Variants in UMAD1 observed in about 807,000 individuals in gnomAD.
UMAD1 encodes UBAP1-MVB12-associated (UMA) domain containing 1.
In UMAD1, 8 loss-of-function variants were observed where a neutral mutation model predicts 6.1. The observed-to-expected ratio is 1.30, with a 90% CI of 0.76 to 2.35. The LOEUF (loss-of-function observed/expected upper bound fraction) is 2.35. Among genes scored for constraint, UMAD1 ranks in the 30% most tolerant of loss-of-function variants. UMAD1 has a pLI of 0.00. For synonymous variants in UMAD1, 56 were observed against 31.4 expected (o/e 1.78, Z -2.61); for missense variants, 130 against 78.4 (o/e 1.66, Z -2.49).
rs1460421573 is a variant in UMAD1, at chr7:7,673,685, G to A, written c.82+232G>A. Among the ~76,000 whole-genome samples, 4 of 147,436 alleles carry A rather than the reference G, an allele frequency of 2.7e-5. No homozygotes were observed. In the South Asian group the frequency reaches 6.5e-4, roughly 24 times the overall value. ...TTTGGCTGTGTTCTCCAAGTTAAAT[G>A]TGTAAAATCACTTCTTTTTCCCCCC... On this transcript the variant is annotated intron_variant, in intron 2 of 3. Transcript: ENST00000682710.
At chr7:7,725,068 G>A (rs1197715242) in intron 2 of UMAD1, among the ~76,000 whole-genome samples, 4 of 152,192 alleles carry the variant, frequency 2.6e-5, no homozygotes, top group Non-Finnish European at 5.9e-5. Context: ...TAAAATTCAG[G>A]AACCTTCCAC....
chr7:7,701,731 C>T (rs1038127978), intron 2 of UMAD1, among the ~76,000 whole-genome samples: 1 of 152,128 alleles, frequency 6.6e-6, no homozygotes, highest in African/African-American at 2.4e-5. Context: ...ATCTGTTTAT[C>T]AGTTCCCCTT....
chr7:7,761,224 A>G (rs147387375), intron 2 of UMAD1, among the ~76,000 whole-genome samples: 103 of 152,028 alleles, frequency 6.8e-4, no homozygotes, highest in African/African-American at 2.4e-3. Flanking sequence ...AAATTAGCCA[A>G]TATGGTGGTA....
chr7:7,690,695 C>A (rs1780153348), intron 2 of UMAD1, among the ~76,000 whole-genome samples: 1 of 151,850 alleles, frequency 6.6e-6, no homozygotes, highest in South Asian at 2.1e-4. Flanking sequence ...TTTGTTTTTG[C>A]TAAGGAGAGA....
At chr7:7,859,005 C>T (rs1784067943) in intron 3 of UMAD1, among the ~76,000 whole-genome samples, 1 of 152,062 alleles carries the variant, frequency 6.6e-6, no homozygotes, top group Non-Finnish European at 1.5e-5. Flanking sequence ...TGAAAATACC[C>T]CCCAGCAAAC....
chr7:7,684,875 A>T (rs1161719849), intron 2 of UMAD1, among the ~76,000 whole-genome samples: 1 of 152,156 alleles, frequency 6.6e-6, no homozygotes, highest in African/African-American at 2.4e-5. Flanking sequence ...CTATGGTACT[A>T]TTTCCTTGAA....
intron 2 of UMAD1, among the ~76,000 whole-genome samples, chr7:7,759,459 C>T (rs561074747): frequency 6.6e-5 from 10 of 152,324 alleles, no homozygotes; most frequent in South Asian, 2.1e-4. Flanking sequence ...GAGCATTTTG[C>T]GCCCTCTTTA....
intron 2 of UMAD1, among the ~76,000 whole-genome samples, chr7:7,743,432 A>G (rs1335289823): frequency 6.6e-6 from 1 of 152,176 alleles, no homozygotes; most frequent in Non-Finnish European, 1.5e-5. Flanking sequence ...TACAAAATTT[A>G]TAAATTATAA....
chr7:7,769,123 C>T (rs1158387075), intron 2 of UMAD1, among the ~76,000 whole-genome samples: 2 of 152,130 alleles, frequency 1.3e-5, no homozygotes, highest in African/African-American at 4.8e-5. Context: ...TTTTGTTTGG[C>T]TGCAATTTGC....
chr7:7,810,265 T>C (rs1782996602), intron 3 of UMAD1, among the ~76,000 whole-genome samples: 1 of 152,076 alleles, frequency 6.6e-6, no homozygotes, highest in African/African-American at 2.4e-5. Flanking sequence ...GCAGTTTAAA[T>C]TGGTACAACT....
chr7:7,860,589 T>C (rs1251608983), intron 3 of UMAD1, among the ~76,000 whole-genome samples: 5 of 115,758 alleles, frequency 4.3e-5, no homozygotes, highest in Admixed American at 1.0e-4. Context: ...TGAAACCCTG[T>C]GTCTACTAAA....
intron 2 of UMAD1, chr7:7,687,317 CTG>C (rs1350419542): frequency 2.0e-5 from 3 of 152,164 alleles, no homozygotes; most frequent in Admixed American, 1.3e-4. Context: ...CAAAAGGAAA[CTG>C]TACACAGATC....
intron 2 of UMAD1, among the ~76,000 whole-genome samples, chr7:7,729,334 A>G (rs1363832283): frequency 6.6e-6 from 1 of 152,206 alleles, no homozygotes; most frequent in African/African-American, 2.4e-5. Flanking sequence ...ATGGAAGCCA[A>G]TGTTGAACAT....
chr7:7,802,989 G>A (rs1255799982), intron 3 of UMAD1, among the ~76,000 whole-genome samples: 1 of 152,062 alleles, frequency 6.6e-6, no homozygotes. Context: ...TTCATGAGGA[G>A]GAAGAAAATC....
At chr7:7,670,046 T>G (rs777623774) in intron 1 of UMAD1, among the ~76,000 whole-genome samples, 5 of 152,224 alleles carry the variant, frequency 3.3e-5, no homozygotes, top group Non-Finnish European at 4.4e-5. Flanking sequence ...GTGTTTAAAT[T>G]TGATGTTTTA....
chr7:7,701,797 C>T (rs758687250), intron 2 of UMAD1, among the ~76,000 whole-genome samples: 8 of 152,180 alleles, frequency 5.3e-5, no homozygotes, highest in Admixed American at 3.3e-4. Context: ...TCATGACAAG[C>T]CATTTACCCA....
chr7:7,741,048 T>C (rs1049415119), intron 2 of UMAD1: 2 of 152,178 alleles, frequency 1.3e-5, no homozygotes, highest in African/African-American at 4.8e-5. Context: ...ACTTTTAGAC[T>C]TTTTTTAAAA....
chr7:7,795,057 C>T (rs1583830305), intron 2 of UMAD1, among the ~76,000 whole-genome samples: 1 of 152,312 alleles, frequency 6.6e-6, no homozygotes, highest in East Asian at 1.9e-4. Flanking sequence ...GTAAGAACCC[C>T]TACTTTGAGA....
At chr7:7,657,300 G>T (rs1440938657) in intron 1 of UMAD1, among the ~76,000 whole-genome samples, 1 of 152,190 alleles carries the variant, frequency 6.6e-6, no homozygotes, top group Admixed American at 6.5e-5. Context: ...TTGCTGTGCA[G>T]AAGCTCTTTA....
Sources: allele counts gnomAD v4.1 joint callset (sites outside exome capture counted in the v4.1 genomes callset), GRCh38; gene constraint gnomAD v4.1.1; transcripts MANE v1.5; gene names NCBI Gene and HGNC (gene_info 2026-07-23, HGNC 2026-07-21).